KCTD1: variants seen among roughly 807,000 people sequenced by gnomAD.
KCTD1 encodes the protein BTB/POZ domain-containing protein KCTD1.
A neutral mutation model predicts 66.0 loss-of-function variants in KCTD1; 24 were observed. The ratio of observed to expected loss-of-function variants is 0.36; its 90% confidence interval spans 0.26 to 0.51. The LOEUF is 0.51. Among genes scored for constraint, KCTD1 ranks in the 20% least tolerant of loss-of-function variants. KCTD1 has a pLI of 0.95. For synonymous variants in KCTD1, 511 were observed against 517.2 expected (o/e 0.99, Z 0.16); for missense variants, 943 against 1,205.2 (o/e 0.78, Z 3.22).
chr18:26,619,544 T>A (rs1987327069), intron 1 of KCTD1, among the ~76,000 whole-genome samples: 1 of 152,204 alleles, frequency 6.6e-6, no homozygotes, highest in South Asian at 2.1e-4. Flanking sequence ...GCATGTGGTT[T>A]TGTGTAGGCT....
At chr18:26,606,558 G>T (rs1394597095) in intron 1 of KCTD1, among the ~76,000 whole-genome samples, 1 of 152,192 alleles carries the variant, frequency 6.6e-6, no homozygotes, top group East Asian at 1.9e-4. Context: ...GCCTAAAGAG[G>T]CCGTGTGTGC....
intron 2 of KCTD1, among the ~76,000 whole-genome samples, chr18:26,498,318 G>A (rs7359704): frequency 0.72 from 108,721 of 151,644 alleles, 39,427 homozygotes; most frequent in African/African-American, 0.79. Flanking sequence ...TTCTAATTAC[G>A]TTGGTGAAAG....
chr18:26,496,634 T>C (rs1480345093), intron 2 of KCTD1, among the ~76,000 whole-genome samples: 1 of 152,060 alleles, frequency 6.6e-6, no homozygotes, highest in East Asian at 1.9e-4. Context: ...AAAAAACACC[T>C]GATGATGGAG....
chr18:26,465,346 A>G (rs1980669644), intron 3 of KCTD1, among the ~76,000 whole-genome samples: 1 of 152,062 alleles, frequency 6.6e-6, no homozygotes, highest in Admixed American at 6.5e-5. Flanking sequence ...AGCCTCCCAT[A>G]GTGCTGGGAT....
chr18:26,555,034 A>G (rs1054511660), intron 1 of KCTD1, among the ~76,000 whole-genome samples: 1 of 152,266 alleles, frequency 6.6e-6, no homozygotes, highest in Non-Finnish European at 1.5e-5. Context: ...CTGCTATTAA[A>G]TAAAATTTTA....
intron 1 of KCTD1, among the ~76,000 whole-genome samples, chr18:26,636,759 A>G (rs1987732723): frequency 6.6e-6 from 1 of 152,218 alleles, no homozygotes; most frequent in Admixed American, 6.5e-5. Context: ...AGCTGCCAGA[A>G]TGGTCCTGCC....
chr18:26,549,263 G>T (rs1173111941), upstream of KCTD1: 3 of 985,698 alleles, frequency 3.0e-6, no homozygotes, highest in South Asian at 9.2e-5. Context: ...GCGAGGCGCG[G>T]GGGCCTGGGG....
Position 26,548,343 on chromosome 18 carries a change from T to G in KCTD1, c.194A>C (p.Glu65Ala). The G allele has an allele frequency of 6.7e-7, 1 of 1,489,572 alleles. No individual in the cohort carries two copies. The highest frequency in any genetic ancestry group is 8.9e-7 in the Non-Finnish European group (1 of 1,121,506). 92.3% of individuals were successfully genotyped at this position (1,489,572 alleles called of 1,614,324 possible). A position where few individuals can be genotyped will look rare whatever the true frequency, so the allele number is the denominator to read the frequency against. ...CCCCGTTATCTGCACCTCCTGGATC[T>G]CGTCCTCCTCCTCCTCTTCCTCCTC... is the stretch of plus-strand genomic sequence containing the variant. ...EEEEEEEEED[E>A]IQEVQITGDE... is the part of the protein sequence containing the mutation. The change falls in exon 1 of 5, where the codon GAG becomes GCG. Residue 65 changes from glutamate (E) to alanine (A), a missense_variant. Glu to Ala is a moderately radical substitution (Grantham distance 107). This residue lies in a region of KCTD1 where 236 missense variants were observed against 206.6 expected (regional missense o/e 1.14). Coordinates refer to ENST00000580059, the MANE Select transcript of KCTD1 (RefSeq NM_001142730.3).
At chr18:26,503,579 GT>G (rs1982879137) in intron 1 of KCTD1, among the ~76,000 whole-genome samples, 1 of 152,108 alleles carries the variant, frequency 6.6e-6, no homozygotes, top group South Asian at 2.1e-4. Flanking sequence ...GTCTGTAATA[GT>G]TTTTCAATTG....
chr18:26,657,236 CGTGTGTGCGA>C (rs1988176733), intron 1 of KCTD1: 2 of 721,802 alleles, frequency 2.8e-6, no homozygotes, highest in African/African-American at 3.9e-5. Context: ...CGGCGGGCGG[CGTGTGTGCGA>C]GTGTGCCGCG....
At chr18:26,599,588 A>G in intron 1 of KCTD1, 1 of 1,508,254 alleles carries the variant, frequency 6.6e-7, no homozygotes, top group Non-Finnish European at 9.2e-7. Flanking sequence ...CAGCTTTGAC[A>G]TTATTTTGTC....
chr18:26,559,927 C>A (rs1985805214), intron 1 of KCTD1, among the ~76,000 whole-genome samples: 1 of 152,178 alleles, frequency 6.6e-6, no homozygotes. Context: ...GGAGCACTCT[C>A]CCTTTGGTTG....
At chr18:26,530,191 C>T (rs1017220402) in intron 1 of KCTD1, among the ~76,000 whole-genome samples, 2 of 152,158 alleles carry the variant, frequency 1.3e-5, no homozygotes, top group African/African-American at 4.8e-5. Context: ...TTAACATGGA[C>T]CCCCTCAAGT....
At chr18:26,567,942 A>C (rs1274446041) in intron 1 of KCTD1, among the ~76,000 whole-genome samples, 1 of 152,204 alleles carries the variant, frequency 6.6e-6, no homozygotes, top group Non-Finnish European at 1.5e-5. Flanking sequence ...TATATTTTTC[A>C]GAAAAATATT....
chr18:26,553,817 C>T (rs1450034748), intron 1 of KCTD1, among the ~76,000 whole-genome samples: 14 of 117,682 alleles, frequency 1.2e-4, no homozygotes, highest in African/African-American at 3.6e-4. Context: ...AAAACTAAGG[C>T]CAGAGAGGGT....
chr18:26,483,233 T>TA (rs1446291484), intron 2 of KCTD1, among the ~76,000 whole-genome samples: 3 of 152,196 alleles, frequency 2.0e-5, no homozygotes, highest in African/African-American at 7.2e-5. Flanking sequence ...GAATTAATTT[T>TA]AAAAAATCTG....
intron 1 of KCTD1, among the ~76,000 whole-genome samples, chr18:26,628,338 G>GCA (rs150600993): frequency 2.4e-4 from 36 of 150,104 alleles, no homozygotes; most frequent in African/African-American, 4.1e-4. Context: ...ACACACACAT[G>GCA]CACACACACA....
At chr18:26,605,184 G>A (rs1320538212) in intron 1 of KCTD1, among the ~76,000 whole-genome samples, 1 of 152,186 alleles carries the variant, frequency 6.6e-6, no homozygotes, top group South Asian at 2.1e-4. Flanking sequence ...GTACTCATAT[G>A]GTCTCACTTA....
chr18:26,538,137 C>T (rs569275295), intron 1 of KCTD1, among the ~76,000 whole-genome samples: 1 of 152,118 alleles, frequency 6.6e-6, no homozygotes, highest in Non-Finnish European at 1.5e-5. Context: ...ATCCCAGCTA[C>T]TCAGGAGGCT....
Sources: allele counts gnomAD v4.1 joint callset (sites outside exome capture counted in the v4.1 genomes callset), GRCh38; gene constraint gnomAD v4.1.1; regional missense constraint gnomAD v4.1.1; transcripts MANE v1.5; gene names NCBI Gene and HGNC (gene_info 2026-07-23, HGNC 2026-07-21).